Variants in ALOX12B observed in about 807,000 individuals in gnomAD.
The protein encoded by ALOX12B is arachidonate 12-lipoxygenase, 12R type.
ALOX12B carries 47 observed loss-of-function variants against 78.9 expected under a neutral mutation model. The observed-to-expected ratio is 0.60, with a 90% confidence interval of 0.47 to 0.76. ALOX12B has a LOEUF of 0.76. Among genes scored for constraint, ALOX12B ranks in the 30% least tolerant of loss-of-function variants. The pLI, the probability that ALOX12B is intolerant of heterozygous loss-of-function variation, is 0.00. For missense variants in ALOX12B, 805 were observed against 922.6 expected (o/e 0.87, Z 1.65); for synonymous variants, 370 against 374.5 (o/e 0.99, Z 0.14).
chr17:8,075,955 C>T (rs570705121), intron 11 of ALOX12B, among the ~76,000 whole-genome samples: 2 of 152,262 alleles, frequency 1.3e-5, no homozygotes, highest in East Asian at 1.9e-4. Context: ...ATCCCAGAAG[C>T]GATTTGGCCA....
chr17:8,076,440 C>A, intron 10 of ALOX12B, 96 bp from the exon 11 acceptor site: 1 of 1,415,284 alleles, frequency 7.1e-7, no homozygotes, highest in South Asian at 1.3e-5. Context: ...TAACCCCTGA[C>A]CCAGCCCACC....
Position 8,086,044 on chromosome 17 carries a change from G to A in ALOX12B, c.324C>T (p.Tyr108=), listed in dbSNP as rs116399915. The change falls in exon 2 of 15, where the codon TAC becomes TAT. Residue 108 remains tyrosine, a synonymous_variant. Coordinates refer to ENST00000647874, the MANE Select transcript of ALOX12B (RefSeq NM_001139.3). ...TGGCCTCCCGGAGTGCCAGGGTCTC[G>A]TAGCCATCCATCCACTGGTAGGCGG... The part of the protein sequence containing the change: ...HFPAYQWMDG[Y]ETLALREATG... The A allele has an allele frequency of 4.7e-4, 761 of 1,614,178 alleles. 1 individual carries two copies. In the African/African-American group the frequency reaches 5.3e-3, roughly 11 times the overall value.
At chr17:8,078,603 C>T (rs1468411319) in intron 8 of ALOX12B, among the ~76,000 whole-genome samples, 1 of 152,002 alleles carries the variant, frequency 6.6e-6, no homozygotes, top group Non-Finnish European at 1.5e-5. Flanking sequence ...CTTGTGTACA[C>T]GCAGCAGCAA....
chr17:8,079,421 C>T lies in ALOX12B; in HGVS notation c.1046G>A (p.Gly349Asp), dbSNP rs1199845440. The change falls in exon 8 of 15, where the codon GGC becomes GAC. Residue 349 changes from glycine (G) to aspartate (D), a missense_variant. Coordinates refer to ENST00000647874, the MANE Select transcript of ALOX12B (RefSeq NM_001139.3). The surrounding 1 kb of genome is among the most constrained non-coding windows in gnomAD (Gnocchi z 6.4). ...PLCLLHFGPEGKMMPIAIQLS... is the reference protein window; with the variant it reads ...PLCLLHFGPEDKMMPIAIQLS... Reference sequence around the variant, plus strand: ...CTGGATGGCGATGGGCATCATCTTGCCCTCGGGTCCAAAGTGCAGCAGGCA... The same window carrying T: ...CTGGATGGCGATGGGCATCATCTTGTCCTCGGGTCCAAAGTGCAGCAGGCA... The T allele has an allele frequency of 1.3e-6, 2 of 1,551,622 alleles. No homozygotes were observed. Among genetic ancestry groups the T allele is most frequent in the Non-Finnish European group, 1.7e-6 (2 of 1,147,442 alleles).
chr17:8,076,597 C>T (rs1338385154), intron 10 of ALOX12B, 60 bp downstream of exon 10: 4 of 1,508,016 alleles, frequency 2.7e-6, no homozygotes, highest in Non-Finnish European at 3.6e-6. Flanking sequence ...TCCTCTTCAT[C>T]TAACTGAAAA....
intron 13 of ALOX12B, 151 bp from the exon 14 acceptor site, chr17:8,073,469 G>C: frequency 8.8e-7 from 1 of 1,142,240 alleles, no homozygotes; most frequent in Non-Finnish European, 1.3e-6. Flanking sequence ...TGGGGGTGGG[G>C]CTGGGTGTGG....
At chr17:8,073,881 C>A in intron 12 of ALOX12B, 124 bp from the exon 13 acceptor site, 1 of 763,332 alleles carries the variant, frequency 1.3e-6, no homozygotes, top group Non-Finnish European at 2.3e-6. Context: ...GCATCCGTAC[C>A]CTCATCCTGC....
chr17:8,080,389 G>T lies in ALOX12B; in HGVS notation c.651-51C>A. The T allele has an allele frequency of 6.3e-7, 1 of 1,597,854 alleles. No individual in the cohort carries two copies. Among genetic ancestry groups the T allele is most frequent in the Non-Finnish European group, 8.6e-7 (1 of 1,165,528 alleles). ...GCCTTCAGAGGGGCTGCCAAGCGCC[G>T]GCTGGGGCAGGTGGCGGGGCCGCCC... On this transcript the variant is annotated intron_variant, in intron 5 of 14. Coordinates refer to ENST00000647874, the MANE Select transcript of ALOX12B (RefSeq NM_001139.3). This position sits in a 1 kb window ranked among gnomAD's most constrained non-coding sequence, Gnocchi z 4.8.
At chr17:8,085,909 G>T in intron 2 of ALOX12B, 107 bp downstream of exon 2, 2 of 1,345,088 alleles carry the variant, frequency 1.5e-6, no homozygotes, top group Non-Finnish European at 2.1e-6. Context: ...CCCTGGTGGG[G>T]CTGGGCCCCC....
At position 8,079,980 on chromosome 17, in the gene ALOX12B, C is replaced by T. The variant is rs893936973; in HGVS notation, c.755-39G>A. The T allele has an allele frequency of 1.3e-6, 2 of 1,597,034 alleles. No individual in the cohort carries two copies. The highest frequency in any genetic ancestry group is 8.5e-7 in the Non-Finnish European group (1 of 1,171,922). On this transcript the variant is annotated intron_variant, in intron 6 of 14. Coordinates refer to ENST00000647874, the MANE Select transcript of ALOX12B (RefSeq NM_001139.3). This position sits in a 1 kb window ranked among gnomAD's most constrained non-coding sequence, Gnocchi z 6.4. ...GCGAGGGCGTCACAAGGAGGCCCGG[C>T]CCCCCTCGGGGACGGAGAGGCATGG... is the stretch of plus-strand genomic sequence containing the variant.
In ALOX12B at chr17:8,079,545, G is replaced by A; in HGVS notation, c.928-6C>T. 1.9e-6 allele frequency: 3 copies of A among 1,550,202 alleles called. No individual in the cohort carries two copies. The highest frequency in any genetic ancestry group is 2.4e-5 in the East Asian group (1 of 40,928). ...GCCAGGTAAATGTTCCCCTTCTGGA[G>A]GGGAGCCGCGATGGGTGGCAAGTAG... On this transcript the variant is annotated splice_region_variant and splice_polypyrimidine_tract_variant and intron_variant, in intron 7 of 14. Coordinates refer to ENST00000647874, the MANE Select transcript of ALOX12B (RefSeq NM_001139.3). This position sits in a 1 kb window ranked among gnomAD's most constrained non-coding sequence, Gnocchi z 6.4.
Position 8,072,845 on chromosome 17 carries a change from G to A in ALOX12B, c.2032C>T (p.Gln678Ter). ...RLNQISHDIR[Q>*]RNKCLPIPYY... Reference sequence around the variant, plus strand: ...GGGATGGGAAGGCACTTGTTGCGCTGGCGGATGTCGTGTGAGATCTGGTTC... The same window carrying A: ...GGGATGGGAAGGCACTTGTTGCGCTAGCGGATGTCGTGTGAGATCTGGTTC... The change falls in exon 15 of 15, where the codon CAG becomes TAG. Residue 678 changes from glutamine (Q) to a stop codon, truncating the protein, a stop_gained. Coordinates refer to ENST00000647874, the MANE Select transcript of ALOX12B (RefSeq NM_001139.3). LOFTEE classifies it high-confidence loss of function. The A allele has an allele frequency of 1.2e-6, 2 of 1,614,222 alleles. No individual in the cohort carries two copies. The highest frequency in any genetic ancestry group is 1.7e-6 in the Non-Finnish European group (2 of 1,180,034).
rs780190851 is a variant in ALOX12B, at chr17:8,081,095, C to A, written c.434+11G>T. 8.1e-6 allele frequency: 13 copies of A among 1,613,628 alleles called. No homozygotes were observed. The highest frequency in any genetic ancestry group is 1.1e-5 in the Non-Finnish European group (13 of 1,180,000). ...TGCCGGGCGCCCAGACTCTGCCACC[C>A]GCCCCCTCACTGGTAGAAGTCCTGC... On this transcript the variant is annotated intron_variant, in intron 3 of 14. Transcript: ENST00000647874.
intron 13 of ALOX12B, 44 bp from the exon 14 acceptor site, chr17:8,073,362 C>G (rs773940540): frequency 6.2e-6 from 10 of 1,612,190 alleles, no homozygotes; most frequent in Non-Finnish European, 7.6e-6. Context: ...AAGAGTACCT[C>G]AGGAGTTTCC....
chr17:8,084,141 G>A (rs924616873), intron 2 of ALOX12B, among the ~76,000 whole-genome samples: 5 of 143,986 alleles, frequency 3.5e-5, no homozygotes, highest in African/African-American at 1.0e-4. Flanking sequence ...GCGACAGAGC[G>A]AGACTCCATC....
rs778419457 is a variant in ALOX12B, at chr17:8,077,222, G to A, written c.1072-29C>T. On this transcript the variant is annotated intron_variant, in intron 8 of 14. Transcript: ENST00000647874. ...GGTGTGGTGAAAGAGAAAGGGTTGG[G>A]TGAGGGCAGAGACCCACACACATAA... is the stretch of plus-strand genomic sequence containing the variant. 2.5e-6 allele frequency: 4 copies of A among 1,589,256 alleles called. 1 individual carries two copies. In the African/African-American group the frequency reaches 5.4e-5, roughly 21 times the overall value.
rs150739585 is a variant in ALOX12B at position 8,081,566 on chromosome 17, G to A, written c.353-379C>T. ...AAATAAAGTATATTGTACCCATTAAGTAATTTCTCATCATCCACCCCCTCC... is the reference window on the plus strand; with the variant it reads ...AAATAAAGTATATTGTACCCATTAAATAATTTCTCATCATCCACCCCCTCC... On this transcript the variant is annotated intron_variant, in intron 2 of 14. Transcript: ENST00000647874. 114 of 314,238 alleles carry A rather than the reference G, an allele frequency of 3.6e-4. No homozygotes were observed. The East Asian group carries it at 8.2e-3, about 22-fold the overall frequency. 19.5% of individuals were successfully genotyped at this position (314,238 alleles called of 1,614,324 possible). A position where few individuals can be genotyped will look rare whatever the true frequency, so the allele number is the denominator to read the frequency against.
rs754992760 is a variant in ALOX12B, at chr17:8,085,979, C to T, written c.352+37G>A. ...GGTAGCAGGCTGGAGCTAGAGGCCTCACGGCCATAGGATGGAGCAGGGTGA... is the reference window on the plus strand; with the variant it reads ...GGTAGCAGGCTGGAGCTAGAGGCCTTACGGCCATAGGATGGAGCAGGGTGA... On this transcript the variant is annotated intron_variant, in intron 2 of 14. Transcript: ENST00000647874. 4 of 1,609,814 alleles carry T rather than the reference C, an allele frequency of 2.5e-6. No individual in the cohort carries two copies. The Admixed American group carries it at 6.7e-5, about 27-fold the overall frequency.
rs1432889114 is a variant in ALOX12B at position 8,080,584 on chromosome 17, G to A, written c.650+74C>T. On this transcript the variant is annotated intron_variant, in intron 5 of 14. Coordinates refer to ENST00000647874, the MANE Select transcript of ALOX12B (RefSeq NM_001139.3). This position sits in a 1 kb window ranked among gnomAD's most constrained non-coding sequence, Gnocchi z 4.8. The stretch of plus-strand genomic sequence containing the variant: ...CATTCCAACCTCTGGGGCTGTCTTG[G>A]AGGCCGCCAAGGTTGGGGGAGAGGG... 1 of 1,609,022 alleles carries A rather than the reference G, an allele frequency of 6.2e-7. No homozygotes were observed. The highest frequency in any genetic ancestry group is 8.5e-7 in the Non-Finnish European group (1 of 1,177,090).
Sources: allele counts gnomAD v4.1 joint callset (sites outside exome capture counted in the v4.1 genomes callset), GRCh38; gene constraint gnomAD v4.1.1; non-coding constraint Gnocchi (gnomAD v3.1); transcripts MANE v1.5; gene names NCBI Gene and HGNC (gene_info 2026-07-23, HGNC 2026-07-21).